The following PCDHA11 variants were observed in gnomAD, a reference collection of about 807,000 sequenced individuals.
PCDHA11 encodes the protein protocadherin alpha-11.
In PCDHA11, 61 loss-of-function variants were observed where a neutral mutation model predicts 70.3. The observed-to-expected ratio is 0.87, with a 90% CI of 0.71 to 1.07. PCDHA11 has a LOEUF of 1.07. Among genes scored for constraint, PCDHA11 ranks in the 50% least tolerant of loss-of-function variants. The probability of loss-of-function intolerance (pLI) is 0.00; values close to 1 mark genes in which losing one functional copy is unlikely to be tolerated. For synonymous variants in PCDHA11, 633 were observed against 555.1 expected, an observed-to-expected ratio of 1.14 and a Z score of -1.97; for missense variants, 1,324 against 1,237.5, an observed-to-expected ratio of 1.07 and a Z score of -1.05.
intron 1 of PCDHA11, among the ~76,000 whole-genome samples, chr5:140,900,556 C>T (rs757442954): frequency 4.6e-5 from 7 of 152,168 alleles, no homozygotes; most frequent in Non-Finnish European, 5.9e-5. Flanking sequence ...GGATTACAGG[C>T]GTGAGCCACG....
chr5:140,890,646 C>A (rs1332050034), intron 1 of PCDHA11, among the ~76,000 whole-genome samples: 4 of 152,082 alleles, frequency 2.6e-5, no homozygotes, highest in African/African-American at 9.7e-5. Flanking sequence ...CTTGATATAT[C>A]AAAATCAAAA....
chr5:140,963,964 C>T (rs1207514831), intron 1 of PCDHA11, among the ~76,000 whole-genome samples: 1 of 152,182 alleles, frequency 6.6e-6, no homozygotes, highest in Non-Finnish European at 1.5e-5. Flanking sequence ...AGGAGTGTGA[C>T]TGACTCCAAA....
chr5:140,964,138 C>T (rs529852998), intron 1 of PCDHA11, among the ~76,000 whole-genome samples: 1 of 152,300 alleles, frequency 6.6e-6, no homozygotes, highest in Admixed American at 6.5e-5. Flanking sequence ...GTAAGGTTGG[C>T]AGGAGCCTCA....
At chr5:140,871,649 G>T (rs781859029) in intron 1 of PCDHA11, 155 bp downstream of exon 1, 1 of 1,265,824 alleles carries the variant, frequency 7.9e-7, no homozygotes, top group Admixed American at 2.9e-5. Flanking sequence ...AATACCAAAT[G>T]ATACACATCT....
chr5:140,966,341 G>T, intron 1 of PCDHA11: 1 of 396,732 alleles, frequency 2.5e-6, no homozygotes, highest in Non-Finnish European at 4.4e-6. Context: ...CAGGTCCAGG[G>T]TGAAGGAGAT....
Position 141,009,998 on chromosome 5 carries a change from T to A in PCDHA11, c.*61T>A. On this transcript the variant is annotated 3_prime_UTR_variant, in exon 4 of 4. Transcript: ENST00000398640. ...TTGTAATAATGGCAAATCTCTCCCA[T>A]GTAGCAATTCCCTGCTCCTTTTTCC... 1 of 1,575,994 alleles carries A rather than the reference T, an allele frequency of 6.3e-7. No individual in the cohort carries two copies. Among genetic ancestry groups the A allele is most frequent in the Non-Finnish European group, 8.6e-7 (1 of 1,164,944 alleles).
In PCDHA11 at chr5:140,870,556, G is replaced by A. The variant is rs782048917; in HGVS notation, c.1453G>A (p.Glu485Lys). Residue 485 changes from glutamate to lysine, a missense_variant, in exon 1 of 4, where the codon GAG becomes AAG. By Grantham distance (56) the Glu-to-Lys change is moderately conservative. Coordinates refer to ENST00000398640, the MANE Select transcript of PCDHA11 (RefSeq NM_018902.5). ...GTCGGCGCGGGACGCGGACGCGCAG[G>A]AGAACGCGCTGGTGTCCTACTCGCT... Reference protein sequence around the residue: ...TVSARDADAQENALVSYSLVE... With the variant: ...TVSARDADAQKNALVSYSLVE... The A allele has an allele frequency of 8.1e-6, 13 of 1,614,038 alleles. No homozygotes were observed. The highest frequency in any genetic ancestry group is 1.7e-4 in the Middle Eastern group (1 of 6,054).
chr5:140,906,957 G>T (rs1301709159), intron 1 of PCDHA11, among the ~76,000 whole-genome samples: 2 of 152,144 alleles, frequency 1.3e-5, no homozygotes, highest in Admixed American at 6.5e-5. Flanking sequence ...CCAGTTTAAT[G>T]GAATCGTGGT....
intron 3 of PCDHA11, among the ~76,000 whole-genome samples, chr5:140,990,780 GACGATGA>G (rs1554251732): frequency 6.6e-6 from 1 of 152,192 alleles, no homozygotes; most frequent in Non-Finnish European, 1.5e-5. Flanking sequence ...CTCTGTGTTG[GACGATGA>G]ACCATGGAAT....
At chr5:140,877,435 G>A (rs1354877569) in intron 1 of PCDHA11, 1 of 1,613,736 alleles carries the variant, frequency 6.2e-7, no homozygotes, top group African/African-American at 1.3e-5. Context: ...GAAGGACCAC[G>A]GTGAGCCCGC....
rs1554231844 is a variant in PCDHA11, at chr5:140,969,454, A to G, written c.2392-9495A>G. On this transcript the variant is annotated intron_variant, in intron 1 of 3. Coordinates refer to ENST00000398640, the MANE Select transcript of PCDHA11 (RefSeq NM_018902.5). ...AAGAGTTATCTGGTAAACTGAGTAT[A>G]TATAGTATCCACAATTTGATCATAA... 7.9e-6 allele frequency: 12 copies of G among 1,511,706 alleles called. No individual in the cohort carries two copies. The South Asian group carries it at 9.0e-5, about 11-fold the overall frequency. The allele number at this position is 1,511,706 out of a possible 1,614,324, so 93.6% of individuals were successfully genotyped here.
At chr5:140,946,342 A>G (rs2093932164) in intron 1 of PCDHA11, among the ~76,000 whole-genome samples, 1 of 151,846 alleles carries the variant, frequency 6.6e-6, no homozygotes, top group African/African-American at 2.4e-5. Context: ...CAAGTGATGG[A>G]GAGGATGTGG....
Position 140,929,423 on chromosome 5 carries a change from C to T in PCDHA11, c.2392-49526C>T, listed in dbSNP as rs1435902323. 4.7e-6 allele frequency: 7 copies of T among 1,499,372 alleles called. No homozygotes were observed. In the Admixed American group the frequency reaches 7.1e-5, roughly 15 times the overall value. The allele number at this position is 1,499,372 out of a possible 1,614,324, so 92.9% of individuals were successfully genotyped here. A position where few individuals can be genotyped will look rare whatever the true frequency, so the allele number is the denominator to read the frequency against. The stretch of plus-strand genomic sequence containing the variant: ...AGACAAGCCTTTCACAACATTTCAT[C>T]AATTGAACTAAACACTCCTTCTTAG... On this transcript the variant is annotated intron_variant, in intron 1 of 3. Transcript: ENST00000398640.
chr5:140,912,900 T>A (rs979059809), intron 1 of PCDHA11, among the ~76,000 whole-genome samples: 1 of 152,264 alleles, frequency 6.6e-6, no homozygotes, highest in Non-Finnish European at 1.5e-5. Context: ...ATATGATGTA[T>A]CATATTGATT....
At chr5:140,922,190 T>C (rs1486044845) in intron 1 of PCDHA11, among the ~76,000 whole-genome samples, 2 of 152,154 alleles carry the variant, frequency 1.3e-5, no homozygotes, top group African/African-American at 4.8e-5. Flanking sequence ...AAAAAAGTCT[T>C]ATCTTTAATG....
chr5:140,973,815 A>G (rs2096603789), intron 1 of PCDHA11, among the ~76,000 whole-genome samples: 1 of 152,224 alleles, frequency 6.6e-6, no homozygotes, highest in Admixed American at 6.5e-5. Flanking sequence ...CAGAATAGCA[A>G]AGTCAGTTCT....
At chr5:140,949,453 A>T (rs1284957540) in intron 1 of PCDHA11, among the ~76,000 whole-genome samples, 4 of 151,762 alleles carry the variant, frequency 2.6e-5, no homozygotes, top group African/African-American at 9.7e-5. Flanking sequence ...TGCTTCATGT[A>T]ATTTGAAGCC....
At chr5:140,876,204 G>A (rs1582266262) in intron 1 of PCDHA11, 1 of 1,613,934 alleles carries the variant, frequency 6.2e-7, no homozygotes, top group Non-Finnish European at 8.5e-7. Flanking sequence ...CGTTTGATAA[G>A]CCCAGCTATA....
chr5:140,967,633 T>G, intron 1 of PCDHA11: 2 of 1,614,106 alleles, frequency 1.2e-6, no homozygotes, highest in Non-Finnish European at 1.7e-6. Flanking sequence ...AGGGCTCCAA[T>G]GGTGAGCTCA....
Sources: gnomAD v4.1 joint callset for allele counts (sites outside exome capture counted in the v4.1 genomes callset) on GRCh38, gnomAD v4.1.1 for gene constraint, MANE v1.5 for transcripts, NCBI Gene and HGNC (gene_info 2026-07-23, HGNC 2026-07-21) for gene names.